ABCA12: variants seen among roughly 807,000 people sequenced by gnomAD.
The protein encoded by ABCA12 is glucosylceramide transporter ABCA12.
In ABCA12, 156 loss-of-function variants were observed where a neutral mutation model predicts 293.5. The ratio of observed to expected loss-of-function variants is 0.53; its 90% CI spans 0.47 to 0.61. The LOEUF (loss-of-function observed/expected upper bound fraction) is 0.61. ABCA12 is among the 20% of genes least tolerant of loss of function. The pLI is 0.00. For missense variants in ABCA12, 2,797 were observed against 3,090.2 expected, an observed-to-expected ratio of 0.91 and a Z score of 2.25; for synonymous variants, 1,063 against 1,108.0, an observed-to-expected ratio of 0.96 and a Z score of 0.81.
chr2:215,117,615 C>G (rs1005820559), intron 1 of ABCA12, among the ~76,000 whole-genome samples: 6 of 152,170 alleles, frequency 3.9e-5, no homozygotes, highest in African/African-American at 1.4e-4. Context: ...GTCATCACTA[C>G]TTTATTACGT....
intron 39 of ABCA12, among the ~76,000 whole-genome samples, chr2:214,963,935 A>AAAC (rs1052845164): frequency 4.0e-5 from 6 of 151,214 alleles, no homozygotes; most frequent in African/African-American, 7.3e-5. Context: ...AAAAAAAAAA[A>AAAC]AAAAAAAAAA....
At position 215,134,517 on chromosome 2, in the gene ABCA12, T is replaced by TACATATATAC. The variant is rs1182077617; in HGVS notation, c.69+3622_69+3623insGTATATATGT. Among the ~76,000 whole-genome samples, 128 of 104,550 alleles carry TACATATATAC rather than the reference T, an allele frequency of 1.2e-3. 11 individuals are homozygous for TACATATATAC. Among genetic ancestry groups the TACATATATAC allele is most frequent in the African/African-American group, 5.2e-3 (122 of 23,406 alleles). The allele number at this position is 104,550 out of a possible 152,430, so 68.6% of individuals were successfully genotyped here. The stretch of plus-strand genomic sequence containing the variant: ...ATGCACATATATGCGTATGTATATG[T>TACATATATAC]GTATATATACGTATATATGTACATA... On this transcript the variant is annotated intron_variant, in intron 1 of 52. Transcript: ENST00000272895.
chr2:215,096,790 A>G (rs1295552800), intron 2 of ABCA12, among the ~76,000 whole-genome samples: 1 of 152,048 alleles, frequency 6.6e-6, no homozygotes, highest in Non-Finnish European at 1.5e-5. Context: ...AAAACTCCAT[A>G]TTTTTATTGC....
At position 215,015,419 on chromosome 2, in the gene ABCA12, A is replaced by C. The variant is rs571426537; in HGVS notation, c.1956+71T>G. The C allele has an allele frequency of 4.5e-4, 626 of 1,401,534 alleles. 1 individual carries two copies. Among genetic ancestry groups the C allele is most frequent in the Non-Finnish European group, 5.2e-4 (519 of 1,005,652 alleles). The allele number at this position is 1,401,534 out of a possible 1,614,324, so 86.8% of individuals were successfully genotyped here. The stretch of plus-strand genomic sequence containing the variant: ...GATCTCATCCCTCATAGTATCAGAG[A>C]ACATAAATGTATAATTAAATAGTTT... On this transcript the variant is annotated intron_variant, in intron 15 of 52. Coordinates refer to ENST00000272895, the MANE Select transcript of ABCA12 (RefSeq NM_173076.3).
chr2:215,131,416 T>C (rs187926811), intron 1 of ABCA12, among the ~76,000 whole-genome samples: 172 of 152,098 alleles, frequency 1.1e-3, no homozygotes, highest in African/African-American at 3.7e-3. Context: ...TTTCATTACT[T>C]GTTATTGGTC....
At chr2:214,992,713 T>C (rs1016818947) in intron 23 of ABCA12, among the ~76,000 whole-genome samples, 3 of 151,162 alleles carry the variant, frequency 2.0e-5, no homozygotes, top group African/African-American at 7.3e-5. Flanking sequence ...AATACAAAAA[T>C]TAGCCGGGCA....
rs767980972 is a variant in ABCA12, at chr2:214,932,718, G to GTCTT, written c.7700_7703dup (p.Asp2568GlufsTer7). On this transcript the variant is annotated frameshift_variant, in exon 53 of 53. Coordinates refer to ENST00000272895, the MANE Select transcript of ABCA12 (RefSeq NM_173076.3). LOFTEE classifies it high-confidence loss of function. ...TATCAGCAGTTTCATAGGACTTCTG[G>GTCTT]TCTTTGGCAAAGTTGATGAAAACCT... 1 of 1,613,466 alleles carries GTCTT rather than the reference G, an allele frequency of 6.2e-7. No homozygotes were observed.
In ABCA12 at chr2:214,953,877, G is replaced by A. The variant is rs201965977; in HGVS notation, c.6624C>T (p.Asn2208=). 9.9e-5 allele frequency: 159 copies of A among 1,613,780 alleles called. No individual in the cohort carries two copies. The Middle Eastern group carries it at 9.9e-4, about 10-fold the overall frequency. Residue 2208 remains asparagine, a synonymous_variant, in exon 44 of 53, where the codon AAC becomes AAT. Coordinates refer to ENST00000272895, the MANE Select transcript of ABCA12 (RefSeq NM_173076.3). The part of the protein sequence containing the change: ...TMFFSLRLLI[N]ESLIKKLRLF... Reference sequence around the variant, plus strand: ...ACCTGAGTTTCTTTATCAGGGATTCGTTGATTAAGAGTCGCAAGGAAAAAA... The same window carrying A: ...ACCTGAGTTTCTTTATCAGGGATTCATTGATTAAGAGTCGCAAGGAAAAAA...
At chr2:215,103,557 C>T (rs1471869505) in intron 2 of ABCA12, among the ~76,000 whole-genome samples, 1 of 152,090 alleles carries the variant, frequency 6.6e-6, no homozygotes, top group African/African-American at 2.4e-5. Context: ...AGGCATGAGC[C>T]ATGGCACCTG....
At chr2:215,031,788 T>A (rs779283559) in intron 9 of ABCA12, 33 bp downstream of exon 9, 19 of 1,613,138 alleles carry the variant, frequency 1.2e-5, no homozygotes, top group Admixed American at 6.7e-5. Flanking sequence ...TCAGCCAAGT[T>A]ATCTACCTAT....
chr2:214,970,493 T>C, intron 36 of ABCA12, 93 bp from the exon 37 acceptor site: 1 of 1,418,414 alleles, frequency 7.1e-7, no homozygotes, highest in Non-Finnish European at 9.9e-7. Context: ...ATGATTTGTC[T>C]ATTACTGCAA....
At chr2:214,949,486 CA>C (rs1216942978) in intron 45 of ABCA12, among the ~76,000 whole-genome samples, 3 of 151,764 alleles carry the variant, frequency 2.0e-5, no homozygotes, top group Admixed American at 2.0e-4. Context: ...GCTAACCCAA[CA>C]AAGTAATTAT....
At chr2:215,076,113 G>T (rs994254359) in intron 2 of ABCA12, among the ~76,000 whole-genome samples, 3 of 152,184 alleles carry the variant, frequency 2.0e-5, no homozygotes, top group Non-Finnish European at 2.9e-5. Context: ...CTGACAGGTA[G>T]CAAAACCCCA....
chr2:214,951,210 T>A, intron 44 of ABCA12, 127 bp from the exon 45 acceptor site: 1 of 831,408 alleles, frequency 1.2e-6, no homozygotes, highest in Non-Finnish European at 2.0e-6. Flanking sequence ...TTTACATTTG[T>A]AATGAATTAT....
Position 214,932,712 on chromosome 2 carries a change from C to T in ABCA12, c.7710G>A (p.Lys2570=), listed in dbSNP as rs1456244808. 2 of 1,613,462 alleles carry T rather than the reference C, an allele frequency of 1.2e-6. No individual in the cohort carries two copies. The highest frequency in any genetic ancestry group is 1.7e-6 in the Non-Finnish European group (2 of 1,179,724). ...EVFINFAKDQ[K]SYETADTSSQ... ...TGCTGGTATCAGCAGTTTCATAGGA[C>T]TTCTGGTCTTTGGCAAAGTTGATGA... Residue 2570 remains lysine (K), a synonymous_variant, in exon 53 of 53, where the codon AAG becomes AAA. Transcript: ENST00000272895.
rs974596913 is a variant in ABCA12 at position 214,956,715 on chromosome 2, A to T, written c.6181T>A (p.Phe2061Ile). Reference sequence around the variant, plus strand: ...GCGCCTAGGTTGTTTTCACTGTAGAATGCAGGTAATTTGAAAATCGCAATG... The same window carrying T: ...GCGCCTAGGTTGTTTTCACTGTAGATTGCAGGTAATTTGAAAATCGCAATG... The part of the protein sequence containing the change: ...GIIAIFKLPA[F>I]YSENNLGAVS... Residue 2061 changes from phenylalanine to isoleucine, a missense_variant, in exon 42 of 53, where the codon TTC becomes ATC. By Grantham distance (21) the Phe-to-Ile change is conservative (BLOSUM62 0). This residue lies in a region of ABCA12 where 2,130 missense variants were observed against 2,427.0 expected (regional missense o/e 0.88). Transcript: ENST00000272895. The T allele has an allele frequency of 6.2e-7, 1 of 1,613,804 alleles. No individual in the cohort carries two copies. Among genetic ancestry groups the T allele is most frequent in the Non-Finnish European group, 8.5e-7 (1 of 1,179,808 alleles).
chr2:214,963,605 C>CAAAAAAAAAAAAAAAAAAAAAAAAA (rs57895778), intron 39 of ABCA12, among the ~76,000 whole-genome samples: 1 of 70,186 alleles, frequency 1.4e-5, no homozygotes, highest in South Asian at 5.8e-4. Flanking sequence ...GCAGAGATAC[C>CAAAAAAAAAAAAAAAAAAAAAAAAA]AAAAAAAAAA....
At chr2:215,015,711 T>G (rs765129888) in intron 14 of ABCA12, 48 bp from the exon 15 acceptor site, 1 of 1,567,422 alleles carries the variant, frequency 6.4e-7, no homozygotes, top group Non-Finnish European at 8.8e-7. Flanking sequence ...CATTCGAGAG[T>G]CAACTGTTCA....
chr2:215,057,369 T>C (rs1701439921), intron 3 of ABCA12, among the ~76,000 whole-genome samples: 1 of 152,022 alleles, frequency 6.6e-6, no homozygotes, highest in African/African-American at 2.4e-5. Context: ...CAAAAGAAGA[T>C]GTTGCAAAGA....
Sources: gnomAD v4.1 joint callset for allele counts (sites outside exome capture counted in the v4.1 genomes callset) on GRCh38, gnomAD v4.1.1 for gene constraint, gnomAD v4.1.1 regional missense constraint, MANE v1.5 for transcripts, NCBI Gene and HGNC (gene_info 2026-07-23, HGNC 2026-07-21) for gene names.